GPC5: variants seen among roughly 807,000 people sequenced by gnomAD.
GPC5 encodes glypican 5.
In GPC5, 47 loss-of-function variants were observed where a neutral mutation model predicts 53.9. The observed-to-expected ratio is 0.87, with a 90% CI of 0.69 to 1.11. The LOEUF (loss-of-function observed/expected upper bound fraction) is 1.11, where lower values mean the gene tolerates loss of function less well. GPC5 is among the 50% of genes most tolerant of loss of function. The pLI, the probability that GPC5 is intolerant of heterozygous loss-of-function variation, is 0.00. For missense variants in GPC5, 748 were observed against 713.1 expected, an observed-to-expected ratio of 1.05 and a Z score of -0.56; for synonymous variants, 286 against 263.3, an observed-to-expected ratio of 1.09 and a Z score of -0.84.
intron 6 of GPC5, among the ~76,000 whole-genome samples, chr13:91,941,028 C>T (rs1594676761): frequency 6.6e-6 from 1 of 152,026 alleles, no homozygotes; most frequent in Admixed American, 6.6e-5. Flanking sequence ...GTTTTTGTTG[C>T]AATTGCTTTT....
At chr13:91,844,798 T>A (rs2038829711) in intron 5 of GPC5, among the ~76,000 whole-genome samples, 2 of 152,158 alleles carry the variant, frequency 1.3e-5, no homozygotes, top group Admixed American at 6.5e-5. Context: ...CTATCTCGGC[T>A]TGCTGCAACC....
intron 7 of GPC5, among the ~76,000 whole-genome samples, chr13:92,568,937 A>G (rs1261588849): frequency 6.6e-6 from 1 of 151,734 alleles, no homozygotes; most frequent in African/African-American, 2.4e-5. Context: ...TAGTTTTATT[A>G]TTATTATACT....
At chr13:91,442,207 T>G (rs1426601116) in intron 1 of GPC5, among the ~76,000 whole-genome samples, 1 of 152,220 alleles carries the variant, frequency 6.6e-6, no homozygotes, top group Non-Finnish European at 1.5e-5. Flanking sequence ...CTTTTGTCAG[T>G]ATCTTGAAAG....
intron 7 of GPC5, among the ~76,000 whole-genome samples, chr13:92,432,148 C>A (rs1239199431): frequency 6.6e-6 from 1 of 152,130 alleles, no homozygotes; most frequent in Admixed American, 6.6e-5. Flanking sequence ...CTTACTCTCC[C>A]ATGTGAGGAC....
intron 7 of GPC5, among the ~76,000 whole-genome samples, chr13:92,761,177 A>T (rs947949631): frequency 1.3e-5 from 2 of 152,156 alleles, no homozygotes; most frequent in African/African-American, 4.8e-5. Flanking sequence ...ATTTTTATAG[A>T]GGCAGATTCT....
At chr13:91,466,010 G>A (rs913442159) in intron 2 of GPC5, among the ~76,000 whole-genome samples, 3 of 152,072 alleles carry the variant, frequency 2.0e-5, no homozygotes, top group African/African-American at 7.2e-5. Flanking sequence ...CTTTTAGTAG[G>A]GACTGAACTG....
chr13:92,388,834 A>G (rs967144655), intron 7 of GPC5, among the ~76,000 whole-genome samples: 2 of 152,128 alleles, frequency 1.3e-5, no homozygotes, highest in Non-Finnish European at 2.9e-5. Context: ...AGTCTTTCAT[A>G]TTAGCCAGGA....
At chr13:91,494,944 T>C (rs1022658398) in intron 2 of GPC5, among the ~76,000 whole-genome samples, 6 of 152,212 alleles carry the variant, frequency 3.9e-5, no homozygotes, top group Non-Finnish European at 8.8e-5. Flanking sequence ...ATATCAGAAC[T>C]GCTATCTTCA....
chr13:92,260,332 A>G (rs1013001165), intron 7 of GPC5, among the ~76,000 whole-genome samples: 2 of 152,234 alleles, frequency 1.3e-5, no homozygotes, highest in Non-Finnish European at 1.5e-5. Context: ...AATGCGGTTT[A>G]TCTAACTCTC....
chr13:91,661,194 G>A (rs772184544), intron 2 of GPC5, among the ~76,000 whole-genome samples: 50 of 152,014 alleles, frequency 3.3e-4, no homozygotes, highest in South Asian at 2.1e-4. Flanking sequence ...TCTGGGTTGC[G>A]GTGAAGGGAC....
Position 92,144,879 on chromosome 13 carries a change from T to G in GPC5, c.1451T>G (p.Leu484Arg). 1 of 1,611,630 alleles carries G rather than the reference T, an allele frequency of 6.2e-7. No individual in the cohort carries two copies. The highest frequency in any genetic ancestry group is 1.7e-5 in the Admixed American group (1 of 59,632). ...CCTGACAAGTGGGAACTTCTTCAGC[T>G]GGGCAGTGGTGGAGGCATGGTTGAA... ...PKPDKWELLQ[L>R]GSGGGMVEQV... Residue 484 changes from leucine to arginine, a missense_variant, in exon 7 of 8, where the codon CTG becomes CGG. Physicochemically the swap from Leu to Arg is moderately radical, Grantham distance 102. Coordinates refer to ENST00000377067, the MANE Select transcript of GPC5 (RefSeq NM_004466.6).
chr13:92,085,380 T>C (rs1219062501), intron 6 of GPC5, among the ~76,000 whole-genome samples: 1 of 152,182 alleles, frequency 6.6e-6, no homozygotes, highest in Non-Finnish European at 1.5e-5. Context: ...AAAATTTAAG[T>C]TTACCAAAAA....
chr13:92,421,372 A>G (rs1018748594), intron 7 of GPC5, among the ~76,000 whole-genome samples: 6 of 152,166 alleles, frequency 3.9e-5, no homozygotes, highest in Non-Finnish European at 5.9e-5. Flanking sequence ...TCACATTGTT[A>G]TAAAGAAATG....
At chr13:91,550,579 G>A (rs1289997435) in intron 2 of GPC5, among the ~76,000 whole-genome samples, 1 of 152,152 alleles carries the variant, frequency 6.6e-6, no homozygotes, top group Non-Finnish European at 1.5e-5. Flanking sequence ...TGATGTTCTT[G>A]TGGATAGGAA....
At chr13:92,583,376 G>A (rs528263774) in intron 7 of GPC5, among the ~76,000 whole-genome samples, 25 of 152,294 alleles carry the variant, frequency 1.6e-4, no homozygotes, top group Non-Finnish European at 3.4e-4. Flanking sequence ...TAAACTGGTA[G>A]CTTCATAATT....
chr13:91,969,501 G>GA (rs933919172), intron 6 of GPC5, among the ~76,000 whole-genome samples: 12 of 151,054 alleles, frequency 7.9e-5, no homozygotes, highest in Admixed American at 4.0e-4. Flanking sequence ...GAGCACAGAT[G>GA]AAAAAAAATA....
Position 91,398,713 on chromosome 13 carries a change from CA to C in GPC5, c.-333del. 1 of 267,098 alleles carries C rather than the reference CA, an allele frequency of 3.7e-6. No individual in the cohort carries two copies. Among genetic ancestry groups the C allele is most frequent in the Non-Finnish European group, 6.9e-6 (1 of 144,438 alleles). The allele number at this position is 267,098 out of a possible 1,614,324, so 16.5% of individuals were successfully genotyped here. Reference sequence around the variant, plus strand: ...GTGGCGGCAGTGGCGGCAGCGGCAGCAGTTGCAGCAGTGGTGGCCAGAGCGG... The same window carrying C: ...GTGGCGGCAGTGGCGGCAGCGGCAGCGTTGCAGCAGTGGTGGCCAGAGCGG... On this transcript the variant is annotated 5_prime_UTR_variant, in exon 1 of 8. Coordinates refer to ENST00000377067, the MANE Select transcript of GPC5 (RefSeq NM_004466.6).
intron 7 of GPC5, among the ~76,000 whole-genome samples, chr13:92,188,099 A>C (rs1464944458): frequency 6.6e-6 from 1 of 152,160 alleles, no homozygotes; most frequent in Non-Finnish European, 1.5e-5. Flanking sequence ...GGGAGTAAAT[A>C]AATCAATCAT....
intron 7 of GPC5, among the ~76,000 whole-genome samples, chr13:92,650,386 T>C (rs1885915529): frequency 6.6e-6 from 1 of 152,166 alleles, no homozygotes; most frequent in Non-Finnish European, 1.5e-5. Context: ...TTTTCAGTGA[T>C]TTCCAGAGCA....
Sources: allele counts gnomAD v4.1 joint callset (sites outside exome capture counted in the v4.1 genomes callset), GRCh38; gene constraint gnomAD v4.1.1; transcripts MANE v1.5; gene names NCBI Gene and HGNC (gene_info 2026-07-23, HGNC 2026-07-21).